The following HDAC9 variants were observed in gnomAD, a reference collection of about 807,000 sequenced individuals.
The protein encoded by HDAC9 is histone deacetylase 9, also known as MEF-2 interacting transcription repressor (MITR) protein.
In HDAC9, 41 loss-of-function variants were observed where a neutral mutation model predicts 139.4. That is an observed-to-expected ratio of 0.29 (90% CI 0.23 to 0.38). HDAC9 has a LOEUF of 0.38. HDAC9 is among the 10% of genes least tolerant of loss of function. HDAC9 has a pLI of 1.00. For synonymous variants in HDAC9, 517 were observed against 476.2 expected (o/e 1.09, Z -1.12); for missense variants, 1,147 against 1,297.0 (o/e 0.88, Z 1.78).
At chr7:18,426,218 G>T (rs1159397801) in intron 1 of HDAC9, among the ~76,000 whole-genome samples, 1 of 152,134 alleles carries the variant, frequency 6.6e-6, no homozygotes, top group African/African-American at 2.4e-5. Context: ...AAATGTTCGT[G>T]GTTTATGTTT....
rs535323153 is a variant in HDAC9, at chr7:18,816,044, A to T, written c.2323-13117A>T. On this transcript the variant is annotated intron_variant, in intron 17 of 25. Coordinates refer to ENST00000686413, the MANE Select transcript of HDAC9 (RefSeq NM_178425.4). ...TATTCGGAAATATTATGCATATGGT[A>T]AACCATAGCAATACAATACAAAGGC... 2.6e-5 allele frequency among the ~76,000 whole-genome samples: 4 copies of T among 152,364 alleles called. No homozygotes were observed. In the South Asian group the frequency reaches 8.3e-4, roughly 32 times the overall value.
At chr7:18,515,678 A>T (rs1022201414) in intron 2 of HDAC9, among the ~76,000 whole-genome samples, 3 of 152,238 alleles carry the variant, frequency 2.0e-5, no homozygotes, top group Non-Finnish European at 4.4e-5. Context: ...TAAAGGAAAT[A>T]GTTATAAAAT....
rs767510939 is a variant in HDAC9, at chr7:18,436,007, G to A, written c.-41-60255G>A. Among the ~76,000 whole-genome samples the A allele has an allele frequency of 9.3e-4, 141 of 150,854 alleles. 2 individuals are homozygous for A. The highest frequency in any genetic ancestry group is 5.3e-4 in the Admixed American group (8 of 15,090). ...TGTGTGTATTTTTTATTGAAGAGGC[G>A]AGGTTTCACTATGTTGCCCAGGCTG... On this transcript the variant is annotated intron_variant, in intron 1 of 3. Coordinates refer to the HDAC9 transcript ENST00000413509.
At chr7:18,175,396 C>G (rs1004733697) in intron 2 of HDAC9, among the ~76,000 whole-genome samples, 1 of 152,202 alleles carries the variant, frequency 6.6e-6, no homozygotes, top group South Asian at 2.1e-4. Flanking sequence ...AGGGAATTCC[C>G]CAACTCCTTG....
chr7:18,469,814 T>C (rs1794590162), intron 1 of HDAC9, among the ~76,000 whole-genome samples: 1 of 152,130 alleles, frequency 6.6e-6, no homozygotes, highest in African/African-American at 2.4e-5. Flanking sequence ...ATCATTCATA[T>C]TATATATTAT....
intron 23 of HDAC9, 121 bp from the exon 24 acceptor site, chr7:18,954,025 T>G (rs1400489440): frequency 1.5e-6 from 1 of 679,172 alleles, no homozygotes; most frequent in Non-Finnish European, 2.6e-6. Flanking sequence ...CAGCAAAATG[T>G]TAACTAGTTC....
intron 17 of HDAC9, among the ~76,000 whole-genome samples, chr7:18,828,703 G>A (rs1159520759): frequency 1.3e-5 from 2 of 152,084 alleles, no homozygotes; most frequent in Non-Finnish European, 2.9e-5. Context: ...TACTGACATT[G>A]GAGTGTAAAT....
chr7:18,213,577 A>G (rs1792099321), intron 2 of HDAC9, among the ~76,000 whole-genome samples: 2 of 152,122 alleles, frequency 1.3e-5, no homozygotes, highest in African/African-American at 4.8e-5. Context: ...TCAGCTGAGG[A>G]CTGCAAACGT....
chr7:18,498,119 C>T (rs1797408771), intron 2 of HDAC9, among the ~76,000 whole-genome samples: 3 of 152,156 alleles, frequency 2.0e-5, no homozygotes, highest in African/African-American at 7.2e-5. Flanking sequence ...TTAACATCAA[C>T]TCCCAAAACC....
intron 1 of HDAC9, among the ~76,000 whole-genome samples, chr7:18,472,053 G>A (rs992159681): frequency 4.6e-5 from 7 of 152,126 alleles, no homozygotes; most frequent in African/African-American, 1.7e-4. Context: ...CTGTGAACAG[G>A]GCTGTTCTCT....
chr7:18,401,246 G>A (rs1020853267), intron 1 of HDAC9, among the ~76,000 whole-genome samples: 1 of 152,056 alleles, frequency 6.6e-6, no homozygotes, highest in Non-Finnish European at 1.5e-5. Flanking sequence ...TCACTTCCAG[G>A]GCTCCTTGAG....
rs147406171 is a variant in HDAC9 at position 18,091,243 on chromosome 7, C to T, written c.-97+4030C>T. On this transcript the variant is annotated intron_variant, in intron 1 of 12. Transcript: ENST00000417496. ...AAGTTCAGATGTGGTTTCCTGTTTA[C>T]TATGGTGAATTTTGTTTAGAGCTTC... Among the ~76,000 whole-genome samples the T allele has an allele frequency of 6.9e-3, 1,049 of 152,256 alleles. 3 individuals are homozygous for T. The highest frequency in any genetic ancestry group is 9.4e-3 in the Non-Finnish European group (638 of 68,022).
chr7:18,620,348 A>G (rs1839878608), intron 6 of HDAC9, among the ~76,000 whole-genome samples: 1 of 152,096 alleles, frequency 6.6e-6, no homozygotes, highest in Admixed American at 6.6e-5. Flanking sequence ...TTATTTTTAA[A>G]CTGAATCACA....
At chr7:18,769,205 T>C (rs1414287311) in intron 16 of HDAC9, among the ~76,000 whole-genome samples, 1 of 152,186 alleles carries the variant, frequency 6.6e-6, no homozygotes, top group East Asian at 1.9e-4. Context: ...TTTAATTCAC[T>C]ATCCCTTCAA....
In HDAC9 at chr7:18,496,277, G is replaced by C. The variant is rs746086946; in HGVS notation, c.-26G>C. 3 of 1,613,164 alleles carry C rather than the reference G, an allele frequency of 1.9e-6. No individual in the cohort carries two copies. In the South Asian group the frequency reaches 3.3e-5, roughly 18 times the overall value. On this transcript the variant is annotated 5_prime_UTR_variant, in exon 2 of 26. Transcript: ENST00000686413. ...TTTTCCTCAGATGGGGTGGCTGGAC[G>C]AGAGCAGCTCTTGGCTCAGCAAAGA...
chr7:18,375,866 T>A (rs1784958794), intron 1 of HDAC9, among the ~76,000 whole-genome samples: 2 of 152,204 alleles, frequency 1.3e-5, no homozygotes, highest in Non-Finnish European at 2.9e-5. Context: ...TTAGGATCTG[T>A]CCCTAATGCT....
chr7:18,450,298 G>A (rs1792695718), intron 1 of HDAC9, among the ~76,000 whole-genome samples: 1 of 152,190 alleles, frequency 6.6e-6, no homozygotes, highest in Admixed American at 6.5e-5. Context: ...ATCAACATCT[G>A]TGATTACTGA....
chr7:18,193,200 G>T (rs1396906951), intron 2 of HDAC9, among the ~76,000 whole-genome samples: 1 of 152,078 alleles, frequency 6.6e-6, no homozygotes, highest in East Asian at 1.9e-4. Context: ...AAGGGGAAAA[G>T]AACAGAATAT....
At chr7:18,320,337 A>G (rs1383636649) in intron 1 of HDAC9, among the ~76,000 whole-genome samples, 1 of 152,188 alleles carries the variant, frequency 6.6e-6, no homozygotes, top group Non-Finnish European at 1.5e-5. Context: ...TCTGTCTTTA[A>G]CTTCCAGCTA....
Sources: gnomAD v4.1 joint callset for allele counts (sites outside exome capture counted in the v4.1 genomes callset) on GRCh38, gnomAD v4.1.1 for gene constraint, MANE v1.5 for transcripts, NCBI Gene and HGNC (gene_info 2026-07-23, HGNC 2026-07-21) for gene names.